Variants in PIGV observed in about 807,000 individuals in gnomAD.
PIGV encodes the protein phosphatidylinositol glycan anchor biosynthesis class V.
PIGV carries 27 observed loss-of-function variants against 39.2 expected under a neutral mutation model. The observed-to-expected ratio is 0.69, with a 90% CI of 0.51 to 0.95. PIGV has a LOEUF of 0.95. Ranked by LOEUF, PIGV falls within the 40% of genes least tolerant of loss-of-function variation. The probability of loss-of-function intolerance (pLI) is 0.00; values close to 1 mark genes in which losing one functional copy is unlikely to be tolerated. For synonymous variants in PIGV, 232 were observed against 241.7 expected (o/e 0.96, Z 0.37); for missense variants, 523 against 586.4 (o/e 0.89, Z 1.12).
Position 26,794,553 on chromosome 1 carries a change from T to G in PIGV, c.519T>G (p.Phe173Leu), listed in dbSNP as rs1557628326. ...CAGCTGGTTACTCAGAAGCTTTGTT[T>G]GCCCTCCTGACATTCAGTGCCATGG... is the stretch of plus-strand genomic sequence containing the variant. ...FLAAGYSEALFALLTFSAMGQ... is the reference protein window; with the variant it reads ...FLAAGYSEALLALLTFSAMGQ... The change falls in exon 3 of 4, where the codon TTT becomes TTG. Residue 173 changes from phenylalanine to leucine, a missense_variant. Transcript: ENST00000674202. 1.2e-6 allele frequency: 2 copies of G among 1,614,248 alleles called. No homozygotes were observed. Among genetic ancestry groups the G allele is most frequent in the Non-Finnish European group, 1.7e-6 (2 of 1,180,032 alleles).
At chr1:26,796,828 G>A (rs2081390355) in intron 3 of PIGV, among the ~76,000 whole-genome samples, 1 of 152,146 alleles carries the variant, frequency 6.6e-6, no homozygotes, top group Non-Finnish European at 1.5e-5. Flanking sequence ...CCAATGTTTT[G>A]GGTGGTGGCG....
In PIGV at chr1:26,794,274, G is replaced by A. The variant is rs753598926; in HGVS notation, c.240G>A (p.Leu80=). The change falls in exon 3 of 4, where the codon CTG becomes CTA. Residue 80 remains leucine (L), a synonymous_variant. Transcript: ENST00000674202. The stretch of plus-strand genomic sequence containing the variant: ...TGTTCATTGCTGAGCATGGCTACCT[G>A]TATGAGCACAACTTTGCCTTCTTTC... ...HFLFIAEHGY[L]YEHNFAFFPG... 6.2e-7 allele frequency: 1 copy of A among 1,614,232 alleles called. No individual in the cohort carries two copies. Among genetic ancestry groups the A allele is most frequent in the Non-Finnish European group, 8.5e-7 (1 of 1,180,040 alleles).
rs1011938777 is a variant in PIGV, at chr1:26,798,788, A to C, written c.*944A>C. Among the ~76,000 whole-genome samples the C allele has an allele frequency of 6.6e-6, 1 of 152,206 alleles. No individual in the cohort carries two copies. Among genetic ancestry groups the C allele is most frequent in the Non-Finnish European group, 1.5e-5 (1 of 68,012 alleles). ...AATTTTAAAAAGTTAAAATAATATAAATCAGCTGGGGGAAAAAAGGGTAAG... is the reference window on the plus strand; with the variant it reads ...AATTTTAAAAAGTTAAAATAATATACATCAGCTGGGGGAAAAAAGGGTAAG... On this transcript the variant is annotated 3_prime_UTR_variant, in exon 4 of 4. Transcript: ENST00000674202.
Position 26,794,763 on chromosome 1 carries a change from G to A in PIGV, c.729G>A (p.Leu243=), listed in dbSNP as rs775083517. Residue 243 remains leucine, a synonymous_variant, in exon 3 of 4, where the codon CTG becomes CTA. Coordinates refer to ENST00000674202, the MANE Select transcript of PIGV (RefSeq NM_017837.4). ...TTAAGCTGATGGCCTCTCTGTTTCT[G>A]TCGGTGTTCACACTTGGCCTTCCCT... ...QLFKLMASLF[L]SVFTLGLPFA... 6.2e-7 allele frequency: 1 copy of A among 1,614,136 alleles called. No homozygotes were observed. The highest frequency in any genetic ancestry group is 1.1e-5 in the South Asian group (1 of 91,078).
chr1:26,790,866 C>T lies in PIGV; in HGVS notation c.51C>T (p.Ser17=). The T allele has an allele frequency of 1.9e-6, 3 of 1,614,090 alleles. No homozygotes were observed. The highest frequency in any genetic ancestry group is 2.5e-6 in the Non-Finnish European group (3 of 1,179,952). The change falls in exon 2 of 4, where the codon AGC becomes AGT. Residue 17 remains serine (S), a synonymous_variant. Transcript: ENST00000674202. ...SRKEVLRFAV[S]CRILTLMLQA... The stretch of plus-strand genomic sequence containing the variant: ...AGGAGGTGCTGAGGTTTGCAGTCAG[C>T]TGCCGTATCCTGACTCTGATGCTGC...
At chr1:26,795,703 C>CT (rs886775352) in intron 3 of PIGV, among the ~76,000 whole-genome samples, 2 of 89,286 alleles carry the variant, frequency 2.2e-5, no homozygotes, top group African/African-American at 8.8e-5. Flanking sequence ...GAGTGAGACT[C>CT]TATCTCAAAA....
At chr1:26,791,492 G>T (rs146952987) in intron 2 of PIGV, among the ~76,000 whole-genome samples, 152 of 152,268 alleles carry the variant, frequency 1.0e-3, no homozygotes, top group African/African-American at 3.3e-3. Context: ...ACGTATATAT[G>T]AATTATTTGC....
In PIGV at chr1:26,798,257, C is replaced by T. The variant is rs2081411881; in HGVS notation, c.*413C>T. 4.8e-6 allele frequency: 1 copy of T among 208,480 alleles called. No individual in the cohort carries two copies. Among genetic ancestry groups the T allele is most frequent in the Non-Finnish European group, 9.8e-6 (1 of 102,100 alleles). 12.9% of individuals were successfully genotyped at this position (208,480 alleles called of 1,614,324 possible). A position where few individuals can be genotyped will look rare whatever the true frequency, so the allele number is the denominator to read the frequency against. On this transcript the variant is annotated 3_prime_UTR_variant, in exon 4 of 4. Transcript: ENST00000674202. ...CCACACAAGATGGTATAGGCCTGAACAGTGTAGTGGCAGTAATAAAGTGGG... is the reference window on the plus strand; with the variant it reads ...CCACACAAGATGGTATAGGCCTGAATAGTGTAGTGGCAGTAATAAAGTGGG...
Position 26,794,843 on chromosome 1 carries a change from G to A in PIGV, c.809G>A (p.Arg270His), listed in dbSNP as rs149379900. ...YTQFCLPGSA[R>H]PIPEPLVQLA... ...CAATTCTGTCTGCCAGGCTCAGCCCGCCCCATTCCTGAGCCTTTGGTACAG... is the reference window on the plus strand; with the variant it reads ...CAATTCTGTCTGCCAGGCTCAGCCCACCCCATTCCTGAGCCTTTGGTACAG... The change falls in exon 3 of 4, where the codon CGC becomes CAC. Residue 270 changes from arginine (R) to histidine (H), a missense_variant. Transcript: ENST00000674202. 220 of 1,613,976 alleles carry A rather than the reference G, an allele frequency of 1.4e-4. 3 individuals are homozygous for A. The South Asian group carries it at 1.9e-3, about 14-fold the overall frequency.
At chr1:26,796,844 G>C (rs2081390667) in intron 3 of PIGV, among the ~76,000 whole-genome samples, 1 of 152,186 alleles carries the variant, frequency 6.6e-6, no homozygotes, top group Non-Finnish European at 1.5e-5. Context: ...TGGCGGTGGT[G>C]ATAGAGAGGG....
Position 26,800,616 on chromosome 1 carries a change from T to C in PIGV, c.*2772T>C, listed in dbSNP as rs1445849711. On this transcript the variant is annotated 3_prime_UTR_variant, in exon 4 of 4. Transcript: ENST00000674202. ...AACTGATTGATTCTTTCAGTAATTG[T>C]TTATTAATGCCTATTTTAGGGGAAT... is the stretch of plus-strand genomic sequence containing the variant. Among the ~76,000 whole-genome samples, 1 of 152,148 alleles carries C rather than the reference T, an allele frequency of 6.6e-6. No homozygotes were observed. The highest frequency in any genetic ancestry group is 1.9e-4 in the East Asian group (1 of 5,204).
At chr1:26,792,732 G>A (rs1036922612) in intron 2 of PIGV, among the ~76,000 whole-genome samples, 1 of 152,158 alleles carries the variant, frequency 6.6e-6, no homozygotes, top group Non-Finnish European at 1.5e-5. Flanking sequence ...TGCTGCTGTC[G>A]TCTCTGTCAG....
rs934315985 is a variant in PIGV, at chr1:26,799,813, C to G, written c.*1969C>G. Among the ~76,000 whole-genome samples, 32 of 152,230 alleles carry G rather than the reference C, an allele frequency of 2.1e-4. No individual in the cohort carries two copies. The highest frequency in any genetic ancestry group is 1.8e-3 in the Admixed American group (27 of 15,278). ...CCCTTCTTGGCAAACGATGATCACC[C>G]CTGCCCTAGTGTCCCTCCAGTTAGT... On this transcript the variant is annotated 3_prime_UTR_variant, in exon 4 of 4. Coordinates refer to ENST00000674202, the MANE Select transcript of PIGV (RefSeq NM_017837.4).
chr1:26,798,187 A>C lies in PIGV; in HGVS notation c.*343A>C. On this transcript the variant is annotated 3_prime_UTR_variant, in exon 4 of 4. Coordinates refer to ENST00000674202, the MANE Select transcript of PIGV (RefSeq NM_017837.4). ...GTAAATTTAAATGTCAATTTATTGAAGTGTAAATTTCATCAAAGGCATTAG... is the reference window on the plus strand; with the variant it reads ...GTAAATTTAAATGTCAATTTATTGACGTGTAAATTTCATCAAAGGCATTAG... 1 of 352,064 alleles carries C rather than the reference A, an allele frequency of 2.8e-6. No homozygotes were observed. The highest frequency in any genetic ancestry group is 2.5e-5 in the South Asian group (1 of 39,806). The allele number at this position is 352,064 out of a possible 1,614,324, so 21.8% of individuals were successfully genotyped here. A position where few individuals can be genotyped will look rare whatever the true frequency, so the allele number is the denominator to read the frequency against.
In PIGV at chr1:26,798,011, G is replaced by A. The variant is rs142176099; in HGVS notation, c.*167G>A. 7.6e-4 allele frequency: 532 copies of A among 697,920 alleles called. 1 individual carries two copies. The African/African-American group carries it at 8.6e-3, about 11-fold the overall frequency. 43.2% of individuals were successfully genotyped at this position (697,920 alleles called of 1,614,324 possible). On this transcript the variant is annotated 3_prime_UTR_variant, in exon 4 of 4. Coordinates refer to ENST00000674202, the MANE Select transcript of PIGV (RefSeq NM_017837.4). ...GGAATGGGAGAAGTGTCAGACACTA[G>A]AGAGCCCCTTCTGGTCCTGGCTAGG... is the stretch of plus-strand genomic sequence containing the variant.
chr1:26,798,855 A>G lies in PIGV; in HGVS notation c.*1011A>G, dbSNP rs188620040. The stretch of plus-strand genomic sequence containing the variant: ...CCCTGGATTCTAGTCCTCTCAGTAA[A>G]ACCCCATTTACCAGCCATGTGACTT... On this transcript the variant is annotated 3_prime_UTR_variant, in exon 4 of 4. Transcript: ENST00000674202. Among the ~76,000 whole-genome samples the G allele has an allele frequency of 1.1e-3, 169 of 152,322 alleles. No homozygotes were observed. Among genetic ancestry groups the G allele is most frequent in the African/African-American group, 3.8e-3 (160 of 41,570 alleles).
At chr1:26,795,325 A>G in intron 3 of PIGV, 91 bp downstream of exon 3, 1 of 1,410,082 alleles carries the variant, frequency 7.1e-7, no homozygotes. Flanking sequence ...CTCCCGTTTG[A>G]GTGATCCATA....
upstream of PIGV, chr1:26,787,849 A>C (rs2081255729): frequency 6.6e-6 from 1 of 152,282 alleles, no homozygotes; most frequent in African/African-American, 2.4e-5. Flanking sequence ...GGCGACCCCC[A>C]TCCCGCTCGC....
intron 1 of PIGV, chr1:26,789,118 G>A (rs886132537): frequency 8.5e-5 from 13 of 152,238 alleles, no homozygotes; most frequent in African/African-American, 3.1e-4. Context: ...ATTCGCCCTA[G>A]GATAGGGAAG....
Sources: gnomAD v4.1 joint callset for allele counts (sites outside exome capture counted in the v4.1 genomes callset) on GRCh38, gnomAD v4.1.1 for gene constraint, MANE v1.5 for transcripts, NCBI Gene and HGNC (gene_info 2026-07-23, HGNC 2026-07-21) for gene names.